SYCE2: variants seen among roughly 807,000 people sequenced by gnomAD.
The protein encoded by SYCE2 is central element synaptonemal complex 1.
Under a neutral mutation model 27.9 loss-of-function variants are expected in SYCE2, and 3 were observed. The observed-to-expected ratio is 0.11, with a 90% CI of 0.05 to 0.28. SYCE2 has a LOEUF of 0.28. SYCE2 is among the 10% of genes least tolerant of loss of function. SYCE2 has a pLI of 1.00. For synonymous variants in SYCE2, 85 were observed against 100.7 expected (o/e 0.84, Z 0.93); for missense variants, 207 against 263.5 (o/e 0.79, Z 1.48).
intron 3 of SYCE2, among the ~76,000 whole-genome samples, chr19:12,903,037 CAAAAAAA>C (rs767887340): frequency 1.8e-5 from 1 of 56,764 alleles, no homozygotes. Flanking sequence ...GACTCTGTCT[CAAAAAAA>C]AAAAAAAAAG....
chr19:12,915,995 G>A (rs920248112), intron 2 of SYCE2, among the ~76,000 whole-genome samples: 4 of 152,126 alleles, frequency 2.6e-5, no homozygotes, highest in Non-Finnish European at 5.9e-5. Flanking sequence ...GCAAACAGCA[G>A]GAGGGTATGA....
At chr19:12,914,898 C>T (rs370125930) in intron 2 of SYCE2, among the ~76,000 whole-genome samples, 1 of 152,228 alleles carries the variant, frequency 6.6e-6, no homozygotes, top group Admixed American at 6.5e-5. Flanking sequence ...CATGAGCCAT[C>T]GTGCCCGGCC....
intron 5 of SYCE2, chr19:12,899,688 T>G: frequency 6.2e-7 from 1 of 1,612,392 alleles, no homozygotes; most frequent in Non-Finnish European, 8.5e-7. Context: ...TATCAAAATT[T>G]CCCTTCTGAA....
At chr19:12,900,713 A>G (rs1970817037) in intron 3 of SYCE2, 65 bp from the exon 4 acceptor site, 5 of 1,445,252 alleles carry the variant, frequency 3.5e-6, no homozygotes, top group Non-Finnish European at 4.7e-6. Context: ...ATCTGTGTTA[A>G]GTGGGTTTCT....
chr19:12,904,467 CCT>C, intron 3 of SYCE2, 23 bp downstream of exon 3: 3 of 1,613,636 alleles, frequency 1.9e-6, no homozygotes, highest in Non-Finnish European at 2.5e-6. Context: ...AGGAATCCCC[CCT>C]CTCGCTGGGT....
In SYCE2 at chr19:12,899,068, A is replaced by C. The variant is rs1970767662; in HGVS notation, c.*273T>G. 1 of 498,952 alleles carries C rather than the reference A, an allele frequency of 2.0e-6. No individual in the cohort carries two copies. Among genetic ancestry groups the C allele is most frequent in the African/African-American group, 2.0e-5 (1 of 50,902 alleles). 30.9% of individuals were successfully genotyped at this position (498,952 alleles called of 1,614,324 possible). A position where few individuals can be genotyped will look rare whatever the true frequency, so the allele number is the denominator to read the frequency against. On this transcript the variant is annotated 3_prime_UTR_variant, in exon 6 of 6. Coordinates refer to ENST00000293695, the MANE Select transcript of SYCE2 (RefSeq NM_001105578.2). ...GTGCTTTCAGCCTCTGTGGCAAGGA[A>C]GCGTGGCCAGGTTGAAAATCAAACA...
chr19:12,917,778 G>A (rs926639483), intron 2 of SYCE2, among the ~76,000 whole-genome samples: 5 of 148,678 alleles, frequency 3.4e-5, no homozygotes, highest in African/African-American at 1.3e-4. Flanking sequence ...TCCTGCCTCA[G>A]CCTCCTGAGT....
intron 3 of SYCE2, among the ~76,000 whole-genome samples, chr19:12,904,187 ATCAT>A (rs761103611): frequency 1.3e-5 from 2 of 152,188 alleles, no homozygotes; most frequent in Non-Finnish European, 2.9e-5. Flanking sequence ...CGTCAGGCAA[ATCAT>A]TCATTTCCAA....
Position 12,900,115 on chromosome 19 carries a change from G to C in SYCE2, c.501C>G (p.Ser167Arg), listed in dbSNP as rs769837115. ...GGTCTGGCCCCCATCTGAGTCTTAG[G>C]CTCTGCTGTAAAAAAGAAACCCAGG... is the stretch of plus-strand genomic sequence containing the variant. ...YKDLCLQPEQ[S>R]LRLRWGPDHS... The change falls in exon 5 of 6, where the codon AGC (serine) becomes AGG (arginine). Residue 167 changes from serine to arginine, a missense_variant. Physicochemically the swap from Ser to Arg is moderately radical, Grantham distance 110. Coordinates refer to ENST00000293695, the MANE Select transcript of SYCE2 (RefSeq NM_001105578.2). 3 of 1,603,798 alleles carry C rather than the reference G, an allele frequency of 1.9e-6. No individual in the cohort carries two copies. Among genetic ancestry groups the C allele is most frequent in the Non-Finnish European group, 1.7e-6 (2 of 1,176,846 alleles).
chr19:12,901,759 G>T (rs899900941), intron 3 of SYCE2, among the ~76,000 whole-genome samples: 5 of 151,980 alleles, frequency 3.3e-5, no homozygotes, highest in Non-Finnish European at 7.4e-5. Flanking sequence ...GGGATTACAG[G>T]CGAGCGCCAC....
At chr19:12,902,855 C>T (rs1033156957) in intron 3 of SYCE2, among the ~76,000 whole-genome samples, 1 of 151,694 alleles carries the variant, frequency 6.6e-6, no homozygotes, top group Non-Finnish European at 1.5e-5. Flanking sequence ...GTCATCAAGA[C>T]ACCTAGAACC....
At chr19:12,918,464 G>A in intron 1 of SYCE2, 127 bp from the exon 2 acceptor site, 1 of 818,376 alleles carries the variant, frequency 1.2e-6, no homozygotes, top group Non-Finnish European at 2.0e-6. Context: ...CCGCAGGAAA[G>A]ACGGGCAGGG....
intron 2 of SYCE2, among the ~76,000 whole-genome samples, chr19:12,910,687 A>T (rs188028380): frequency 0.034 from 4,869 of 144,916 alleles, 84 homozygotes; most frequent in Non-Finnish European, 0.041. Flanking sequence ...ATATATATAT[A>T]TTTTTTTTGA....
At chr19:12,917,121 A>G (rs1276756062) in intron 2 of SYCE2, among the ~76,000 whole-genome samples, 2 of 149,878 alleles carry the variant, frequency 1.3e-5, no homozygotes, top group African/African-American at 4.9e-5. Flanking sequence ...CTGGAATGCA[A>G]TGGCACAATC....
intron 2 of SYCE2, among the ~76,000 whole-genome samples, chr19:12,912,483 C>G (rs1599639961): frequency 6.6e-6 from 1 of 152,206 alleles, no homozygotes; most frequent in African/African-American, 2.4e-5. Flanking sequence ...ACACCCTACT[C>G]ATTTGTTTTG....
chr19:12,913,334 T>C (rs1001151272), intron 2 of SYCE2, among the ~76,000 whole-genome samples: 5 of 152,188 alleles, frequency 3.3e-5, no homozygotes, highest in Non-Finnish European at 7.3e-5. Context: ...AAAGCTGTGA[T>C]TGGCAGGCGA....
chr19:12,916,964 G>A (rs1971149181), intron 2 of SYCE2, among the ~76,000 whole-genome samples: 1 of 151,988 alleles, frequency 6.6e-6, no homozygotes, highest in African/African-American at 2.4e-5. Flanking sequence ...GGGCCAGGCT[G>A]GTCTCGAAAT....
rs751102827 is a variant in SYCE2 at position 12,900,048 on chromosome 19, G to A, written c.568C>T (p.Pro190Ser). The A allele has an allele frequency of 1.2e-6, 2 of 1,613,724 alleles. No homozygotes were observed. The highest frequency in any genetic ancestry group is 2.2e-5 in the South Asian group (2 of 91,058). Residue 190 changes from proline to serine, a missense_variant, in exon 5 of 6, where the codon CCC becomes TCC. By Grantham distance (74) the Pro-to-Ser change is moderately conservative. Transcript: ENST00000293695. The stretch of plus-strand genomic sequence containing the variant: ...ACAGAAGAAACGAACACGTCTGGGG[G>A]CTGTGAGTTGCCGGGACGTGGTGGG... ...KSPPRPGNSQ[P>S]PDVFVSSVAE...
At chr19:12,909,940 C>G (rs1320583991) in intron 2 of SYCE2, among the ~76,000 whole-genome samples, 1 of 152,088 alleles carries the variant, frequency 6.6e-6, no homozygotes, top group Non-Finnish European at 1.5e-5. Context: ...GATCTCAGGT[C>G]ACTGCAACCT....
Sources: allele counts gnomAD v4.1 joint callset (sites outside exome capture counted in the v4.1 genomes callset), GRCh38; gene constraint gnomAD v4.1.1; transcripts MANE v1.5; gene names NCBI Gene and HGNC (gene_info 2026-07-23, HGNC 2026-07-21).